Variants in KREMEN1 observed in about 807,000 individuals in gnomAD.
KREMEN1 encodes kremen protein 1.
A neutral mutation model predicts 46.5 loss-of-function variants in KREMEN1; 30 were observed. The observed-to-expected ratio is 0.65, with a 90% CI of 0.48 to 0.88. The LOEUF is 0.88. Ranked by LOEUF, KREMEN1 falls within the 40% of genes least tolerant of loss-of-function variation. The probability of loss-of-function intolerance (pLI) is 0.00; values close to 1 mark genes in which losing one functional copy is unlikely to be tolerated. For synonymous variants in KREMEN1, 214 were observed against 230.6 expected (o/e 0.93, Z 0.65); for missense variants, 533 against 596.9 (o/e 0.89, Z 1.11).
At chr22:29,133,030 C>T (rs1027533916) in intron 5 of KREMEN1, among the ~76,000 whole-genome samples, 14 of 151,976 alleles carry the variant, frequency 9.2e-5, no homozygotes, top group African/African-American at 2.2e-4. Flanking sequence ...GGGTGGATCA[C>T]GAGGTCAGGA....
In KREMEN1 at chr22:29,164,112, G is replaced by C. The variant is rs143496099; in HGVS notation, c.1417-2932G>C. On this transcript the variant is annotated intron_variant, in intron 9 of 9. Coordinates refer to the KREMEN1 transcript ENST00000327813. The stretch of plus-strand genomic sequence containing the variant: ...TTACAGGCGCGCATTGCTGCGCCCA[G>C]CTGAGGACCTTACATTTTAAAAAGA... 5.6e-3 allele frequency among the ~76,000 whole-genome samples: 850 copies of C among 152,372 alleles called. 4 individuals are homozygous for C. Among genetic ancestry groups the C allele is most frequent in the Middle Eastern group, 0.02 (6 of 294 alleles).
intron 9 of KREMEN1, among the ~76,000 whole-genome samples, chr22:29,159,840 A>C (rs951383479): frequency 1.3e-4 from 20 of 152,142 alleles, no homozygotes; most frequent in African/African-American, 4.8e-4. Flanking sequence ...GGGACATCAG[A>C]TTAAAGCAAG....
In KREMEN1 at chr22:29,073,290, C is replaced by A; in HGVS notation, c.97+63C>A. Reference sequence around the variant, plus strand: ...GAGCCCACTCGAGGGGCGACAAGGGCCGGCCGGCCTGAGAGCCCCCTCCCT... The same window carrying A: ...GAGCCCACTCGAGGGGCGACAAGGGACGGCCGGCCTGAGAGCCCCCTCCCT... On this transcript the variant is annotated intron_variant, in intron 1 of 8. Transcript: ENST00000400335. The surrounding 1 kb of genome is among the most constrained non-coding windows in gnomAD (Gnocchi z 4.4). 1.4e-6 allele frequency: 1 copy of A among 728,236 alleles called. No individual in the cohort carries two copies. Among genetic ancestry groups the A allele is most frequent in the Non-Finnish European group, 1.8e-6 (1 of 553,380 alleles). The allele number at this position is 728,236 out of a possible 1,614,324, so 45.1% of individuals were successfully genotyped here. A position where few individuals can be genotyped will look rare whatever the true frequency, so the allele number is the denominator to read the frequency against.
At chr22:29,138,894 T>C in intron 7 of KREMEN1, 112 bp downstream of exon 7, 1 of 1,466,000 alleles carries the variant, frequency 6.8e-7, no homozygotes, top group Non-Finnish European at 9.5e-7. Context: ...CAGAGGCAGG[T>C]TGGGATACTG....
chr22:29,120,984 G>A (rs540504371), intron 3 of KREMEN1, among the ~76,000 whole-genome samples: 1 of 152,170 alleles, frequency 6.6e-6, no homozygotes, highest in African/African-American at 2.4e-5. Flanking sequence ...CTTCTGAGAG[G>A]GCTTTTCCTG....
intron 4 of KREMEN1, among the ~76,000 whole-genome samples, chr22:29,123,831 G>A (rs756865384): frequency 5.9e-5 from 9 of 152,064 alleles, no homozygotes; most frequent in Non-Finnish European, 1.0e-4. Context: ...AGATATAGTC[G>A]ACATCATTAG....
chr22:29,094,345 A>C lies in KREMEN1; in HGVS notation c.185A>C (p.Glu62Ala), dbSNP rs746968721. The change falls in exon 2 of 9, where the codon GAG becomes GCG. Residue 62 changes from glutamate to alanine, a missense_variant. Transcript: ENST00000400335. Reference protein sequence around the residue: ...QGGKPCLFWNETFQHPYNTLK... With the variant: ...QGGKPCLFWNATFQHPYNTLK... ...GGGAAGCCATGTCTGTTTTGGAACGAGACTTTCCAGCATCCATACAACACT... is the reference window on the plus strand; with the variant it reads ...GGGAAGCCATGTCTGTTTTGGAACGCGACTTTCCAGCATCCATACAACACT... 6.2e-7 allele frequency: 1 copy of C among 1,614,070 alleles called. No individual in the cohort carries two copies. The highest frequency in any genetic ancestry group is 1.1e-5 in the South Asian group (1 of 91,070).
intron 5 of KREMEN1, among the ~76,000 whole-genome samples, chr22:29,127,784 C>T (rs2038470158): frequency 6.6e-6 from 1 of 152,108 alleles, no homozygotes. Context: ...ACATACATAC[C>T]AATGTTCCTA....
At chr22:29,136,922 C>G (rs1390807978) in intron 5 of KREMEN1, among the ~76,000 whole-genome samples, 1 of 152,214 alleles carries the variant, frequency 6.6e-6, no homozygotes, top group Non-Finnish European at 1.5e-5. Flanking sequence ...TGCAGAGTGG[C>G]CTGAGTGGTT....
intron 9 of KREMEN1, among the ~76,000 whole-genome samples, chr22:29,152,914 C>G (rs534586617): frequency 1.3e-5 from 2 of 152,206 alleles, no homozygotes; most frequent in Non-Finnish European, 2.9e-5. Flanking sequence ...GAGGGCTACT[C>G]CATAGGGAGA....
chr22:29,159,349 G>C (rs149125672), intron 9 of KREMEN1, among the ~76,000 whole-genome samples: 1 of 152,002 alleles, frequency 6.6e-6, no homozygotes, highest in Non-Finnish European at 1.5e-5. Flanking sequence ...GGCCAGGAGC[G>C]GTGGCTGATG....
At chr22:29,115,207 C>G (rs898401347) in intron 3 of KREMEN1, among the ~76,000 whole-genome samples, 23 of 152,182 alleles carry the variant, frequency 1.5e-4, no homozygotes, top group Admixed American at 1.2e-3. Flanking sequence ...ATTGTATGTT[C>G]TCACTCATAA....
At chr22:29,103,811 A>C (rs1049405055) in intron 3 of KREMEN1, among the ~76,000 whole-genome samples, 3 of 152,244 alleles carry the variant, frequency 2.0e-5, no homozygotes, top group Non-Finnish European at 4.4e-5. Flanking sequence ...TTTATTAGCT[A>C]CAATAATGGC....
chr22:29,113,675 G>A (rs1051008392), intron 3 of KREMEN1, among the ~76,000 whole-genome samples: 1 of 152,176 alleles, frequency 6.6e-6, no homozygotes, highest in East Asian at 1.9e-4. Context: ...ATTTACCCTA[G>A]GGTTTGTCTC....
At chr22:29,098,429 C>G (rs1055045532) in intron 2 of KREMEN1, among the ~76,000 whole-genome samples, 9 of 152,132 alleles carry the variant, frequency 5.9e-5, no homozygotes, top group African/African-American at 1.9e-4. Context: ...TTGCATATTT[C>G]TAGGGCCTTT....
intron 1 of KREMEN1, among the ~76,000 whole-genome samples, chr22:29,083,251 T>C (rs992439507): frequency 2.6e-5 from 4 of 152,226 alleles, no homozygotes; most frequent in Admixed American, 6.5e-5. Context: ...CAGCAAAGTA[T>C]AATAGAATAT....
At chr22:29,165,673 C>T (rs1206300191) in intron 9 of KREMEN1, among the ~76,000 whole-genome samples, 4 of 152,176 alleles carry the variant, frequency 2.6e-5, no homozygotes, top group Admixed American at 1.3e-4. Context: ...AAGTGGCAGG[C>T]CTTGGATTTG....
intron 9 of KREMEN1, among the ~76,000 whole-genome samples, chr22:29,157,158 C>T (rs764537219): frequency 6.6e-6 from 1 of 152,090 alleles, no homozygotes; most frequent in Admixed American, 6.6e-5. Flanking sequence ...GAGGAGCCGA[C>T]CTGTGGGGGC....
intron 3 of KREMEN1, among the ~76,000 whole-genome samples, chr22:29,120,066 G>A (rs1352666329): frequency 7.8e-6 from 1 of 128,632 alleles, no homozygotes; most frequent in Non-Finnish European, 1.7e-5. Context: ...AGGGAGGAGG[G>A]AGAGGTGATG....
Sources: gnomAD v4.1 joint callset for allele counts (sites outside exome capture counted in the v4.1 genomes callset) on GRCh38, gnomAD v4.1.1 for gene constraint, Gnocchi (gnomAD v3.1) non-coding constraint, MANE v1.5 for transcripts, NCBI Gene and HGNC (gene_info 2026-07-23, HGNC 2026-07-21) for gene names.